The following RGS12 variants were observed in gnomAD, a reference collection of about 807,000 sequenced individuals.
RGS12 encodes regulator of G-protein signaling 12.
In RGS12, 66 loss-of-function variants were observed where a neutral mutation model predicts 120.1. The ratio of observed to expected loss-of-function variants is 0.55; its 90% CI spans 0.45 to 0.67. The LOEUF is 0.67. Ranked by LOEUF, RGS12 falls within the 30% of genes least tolerant of loss-of-function variation. The probability of loss-of-function intolerance (pLI) is 0.00; values close to 1 mark genes in which losing one functional copy is unlikely to be tolerated. For missense variants in RGS12, 1,859 were observed against 1,957.7 expected (o/e 0.95, Z 0.95); for synonymous variants, 827 against 804.7 (o/e 1.03, Z -0.47).
At chr4:3,383,106 C>T (rs950883336) in intron 3 of RGS12, among the ~76,000 whole-genome samples, 7 of 152,008 alleles carry the variant, frequency 4.6e-5, no homozygotes, top group African/African-American at 1.7e-4. Flanking sequence ...AGGAGTGTTG[C>T]ACCTAGGACA....
At chr4:3,292,931 G>A (rs1250130042), upstream of RGS12, 1 of 147,046 alleles carries the variant, frequency 6.8e-6, no homozygotes. Flanking sequence ...CACCCCCTTG[G>A]CCCCGCCTCA....
upstream of RGS12, among the ~76,000 whole-genome samples, chr4:3,292,033 G>A (rs1560630286): frequency 6.6e-6 from 1 of 152,248 alleles, no homozygotes; most frequent in Non-Finnish European, 1.5e-5. Context: ...ATCAAGGCAG[G>A]TGACAGGAAA....
chr4:3,426,058 C>T (rs1340005086), intron 14 of RGS12, among the ~76,000 whole-genome samples: 4 of 8,958 alleles, frequency 4.5e-4, no homozygotes, highest in South Asian at 7.9e-3. Flanking sequence ...GGAGTTGGCA[C>T]AGGGGAGAGG....
chr4:3,370,759 G>T (rs1716895390), intron 3 of RGS12, among the ~76,000 whole-genome samples: 1 of 152,160 alleles, frequency 6.6e-6, no homozygotes, highest in Non-Finnish European at 1.5e-5. Flanking sequence ...AATATGATGA[G>T]TTGATTTGGC....
At chr4:3,414,691 G>A in intron 5 of RGS12, 61 bp from the exon 6 acceptor site, 2 of 1,208,650 alleles carry the variant, frequency 1.7e-6, no homozygotes, top group Non-Finnish European at 2.5e-6. Flanking sequence ...TGTAGAAGGG[G>A]AAGTAGGAAA....
chr4:3,352,256 A>C (rs1049579353), intron 3 of RGS12, among the ~76,000 whole-genome samples: 2 of 152,142 alleles, frequency 1.3e-5, no homozygotes, highest in African/African-American at 4.8e-5. Context: ...ATTAACTCAG[A>C]TCCCAAATGA....
At chr4:3,419,088 T>C (rs1722723489) in intron 9 of RGS12, 1 of 151,422 alleles carries the variant, frequency 6.6e-6, no homozygotes, top group Admixed American at 6.6e-5. Flanking sequence ...CCCATCACTT[T>C]GGGAGGCTGA....
At chr4:3,384,853 G>T (rs1346795795) in intron 3 of RGS12, among the ~76,000 whole-genome samples, 3 of 151,614 alleles carry the variant, frequency 2.0e-5, no homozygotes, top group Non-Finnish European at 4.4e-5. Context: ...CAGGGCCAGG[G>T]CTGGCAGTGG....
At chr4:3,342,706 T>C (rs746470386) in intron 2 of RGS12, 33 of 770,382 alleles carry the variant, frequency 4.3e-5, no homozygotes, top group Non-Finnish European at 6.0e-5. Context: ...AGGCACACAG[T>C]TGGCAGAGCA....
intron 9 of RGS12, chr4:3,419,620 C>T (rs1722783691): frequency 6.6e-6 from 1 of 152,116 alleles, no homozygotes; most frequent in African/African-American, 2.4e-5. Flanking sequence ...AGTTCAATAC[C>T]AGCCTGGGCA....
intron 1 of RGS12, among the ~76,000 whole-genome samples, chr4:3,295,707 CCAA>C (rs973925817): frequency 2.0e-5 from 3 of 147,256 alleles, no homozygotes; most frequent in Admixed American, 1.4e-4. Flanking sequence ...CAAAGACAAA[CCAA>C]CAACAACAAC....
intron 17 of RGS12, among the ~76,000 whole-genome samples, chr4:3,435,548 C>A (rs1724723975): frequency 6.7e-6 from 1 of 148,524 alleles, no homozygotes; most frequent in Non-Finnish European, 1.5e-5. Context: ...CTCCCTAGAG[C>A]CCCCTCTCTC....
chr4:3,331,730 C>T lies in RGS12; in HGVS notation c.1882-11207C>T, dbSNP rs539200418. On this transcript the variant is annotated intron_variant, in intron 2 of 17. Transcript: ENST00000336727. ...GCTGTGTAAACAGGGATCCCGGGGG[C>T]CAGCATCGCACTGCTCTCCATCCCC... is the stretch of plus-strand genomic sequence containing the variant. Among the ~76,000 whole-genome samples the T allele has an allele frequency of 5.3e-5, 8 of 152,308 alleles. No individual in the cohort carries two copies. The South Asian group carries it at 1.5e-3, about 28-fold the overall frequency.
chr4:3,301,398 C>T (rs1015533012), intron 1 of RGS12, among the ~76,000 whole-genome samples: 1 of 152,212 alleles, frequency 6.6e-6, no homozygotes, highest in African/African-American at 2.4e-5. Context: ...GTGGTGGAAC[C>T]CTCTGTGTCT....
intron 3 of RGS12, among the ~76,000 whole-genome samples, chr4:3,349,140 G>A (rs1184253957): frequency 2.0e-5 from 3 of 152,142 alleles, no homozygotes; most frequent in Non-Finnish European, 4.4e-5. Context: ...TTGTATTAGT[G>A]TATTTTTAAT....
chr4:3,387,768 TCTC>T (rs1473937369), intron 4 of RGS12, among the ~76,000 whole-genome samples: 1 of 152,184 alleles, frequency 6.6e-6, no homozygotes, highest in East Asian at 1.9e-4. Context: ...TGTTCTCACT[TCTC>T]CTTTCTGGCA....
chr4:3,355,300 A>G (rs1213317727), intron 3 of RGS12, among the ~76,000 whole-genome samples: 1 of 152,240 alleles, frequency 6.6e-6, no homozygotes, highest in East Asian at 1.9e-4. Flanking sequence ...AGGATATCTA[A>G]ACACTGTGTG....
chr4:3,427,791 T>G (rs1373240980), intron 14 of RGS12, among the ~76,000 whole-genome samples: 10 of 152,220 alleles, frequency 6.6e-5, no homozygotes, highest in Non-Finnish European at 1.2e-4. Context: ...AATGTAAGAC[T>G]CTGACTTTCT....
chr4:3,304,967 C>T (rs573310261), intron 1 of RGS12, among the ~76,000 whole-genome samples: 2 of 152,232 alleles, frequency 1.3e-5, no homozygotes, highest in Admixed American at 6.5e-5. Context: ...CAGGGCTGTG[C>T]GATGAGGATT....
Sources: gnomAD v4.1 joint callset for allele counts (sites outside exome capture counted in the v4.1 genomes callset) on GRCh38, gnomAD v4.1.1 for gene constraint, MANE v1.5 for transcripts, NCBI Gene and HGNC (gene_info 2026-07-23, HGNC 2026-07-21) for gene names.